The following ALK variants were observed in gnomAD, a reference collection of about 807,000 sequenced individuals.
The protein encoded by ALK is ALK tyrosine kinase receptor.
A neutral mutation model predicts 163.1 loss-of-function variants in ALK; 74 were observed. The ratio of observed to expected loss-of-function variants is 0.45; its 90% CI spans 0.38 to 0.55. The LOEUF (loss-of-function observed/expected upper bound fraction) is 0.55, where lower values mean the gene tolerates loss of function less well. Among genes scored for constraint, ALK ranks in the 20% least tolerant of loss-of-function variants. The pLI is 0.00. For synonymous variants in ALK, 960 were observed against 843.2 expected (o/e 1.14, Z -2.40); for missense variants, 2,063 against 2,105.3 (o/e 0.98, Z 0.39).
At chr2:29,882,609 A>C (rs1666893594) in intron 1 of ALK, among the ~76,000 whole-genome samples, 1 of 152,096 alleles carries the variant, frequency 6.6e-6, no homozygotes, top group Non-Finnish European at 1.5e-5. Flanking sequence ...CAGGAGAATC[A>C]CTTGAACCTG....
chr2:29,760,452 G>T (rs1680668850), intron 1 of ALK, among the ~76,000 whole-genome samples: 1 of 152,182 alleles, frequency 6.6e-6, no homozygotes, highest in Non-Finnish European at 1.5e-5. Flanking sequence ...TACTATACCA[G>T]ATACATAGTA....
At chr2:29,691,177 G>A (rs925608003) in intron 3 of ALK, among the ~76,000 whole-genome samples, 8 of 152,182 alleles carry the variant, frequency 5.3e-5, no homozygotes, top group African/African-American at 9.7e-5. Context: ...GATGAGAGAC[G>A]CACTCCTGAA....
At chr2:29,906,364 T>C (rs879431492) in intron 1 of ALK, among the ~76,000 whole-genome samples, 5 of 152,232 alleles carry the variant, frequency 3.3e-5, no homozygotes, top group African/African-American at 7.2e-5. Flanking sequence ...CAGCATCTAG[T>C]ACAGTGTCTA....
intron 1 of ALK, among the ~76,000 whole-genome samples, chr2:29,871,917 C>T (rs143532250): frequency 2.0e-5 from 3 of 152,330 alleles, no homozygotes; most frequent in East Asian, 1.9e-4. Flanking sequence ...AGAGACACCA[C>T]TCATATCTGA....
At chr2:29,304,381 AG>A (rs1251641720) in intron 8 of ALK, among the ~76,000 whole-genome samples, 1 of 151,906 alleles carries the variant, frequency 6.6e-6, no homozygotes, top group Non-Finnish European at 1.5e-5. Flanking sequence ...CTGTAGTCCC[AG>A]CTACTCAGGA....
At chr2:29,395,401 C>T (rs1669278308) in intron 4 of ALK, among the ~76,000 whole-genome samples, 1 of 152,186 alleles carries the variant, frequency 6.6e-6, no homozygotes, top group African/African-American at 2.4e-5. Context: ...AGCTCACAGA[C>T]TTGTATCTGC....
At chr2:29,469,131 T>C (rs1671286210) in intron 4 of ALK, among the ~76,000 whole-genome samples, 1 of 152,208 alleles carries the variant, frequency 6.6e-6, no homozygotes, top group Non-Finnish European at 1.5e-5. Context: ...AAGATCATAC[T>C]ATGAAGCTTT....
intron 2 of ALK, among the ~76,000 whole-genome samples, chr2:29,711,018 G>C (rs1272700012): frequency 6.6e-6 from 1 of 152,156 alleles, no homozygotes; most frequent in Admixed American, 6.5e-5. Context: ...TCTCTTCTCT[G>C]TTCCAGTCAA....
At chr2:29,527,129 C>T (rs1019042758) in intron 4 of ALK, among the ~76,000 whole-genome samples, 3 of 152,188 alleles carry the variant, frequency 2.0e-5, no homozygotes, top group Non-Finnish European at 4.4e-5. Context: ...TAAGAAGCTA[C>T]GGCTGGGCAA....
rs766699720 is a variant in ALK at position 29,232,292 on chromosome 2, G to GC, written c.2632+11dup. 3.3e-4 allele frequency: 532 copies of GC among 1,614,172 alleles called. No homozygotes were observed. The African/African-American group carries it at 6.9e-3, about 21-fold the overall frequency. On this transcript the variant is annotated intron_variant, in intron 15 of 28. Transcript: ENST00000389048. The stretch of plus-strand genomic sequence containing the variant: ...AGAGGTTCTGGGAGAGGGCACGCTT[G>GC]CAGCGCTTTACCTGCGGCTCCGGAA...
intron 12 of ALK, among the ~76,000 whole-genome samples, chr2:29,247,698 C>A (rs1028343413): frequency 1.3e-5 from 2 of 152,178 alleles, no homozygotes; most frequent in African/African-American, 4.8e-5. Flanking sequence ...GGTGGCCCCC[C>A]CTTGGCATGA....
chr2:29,421,004 G>T (rs1027069312), intron 4 of ALK, among the ~76,000 whole-genome samples: 1 of 151,514 alleles, frequency 6.6e-6, no homozygotes, highest in African/African-American at 2.5e-5. Flanking sequence ...AGGAGCTACT[G>T]GTGGCTCTTG....
intron 1 of ALK, among the ~76,000 whole-genome samples, chr2:29,808,624 A>C (rs1023565215): frequency 1.3e-5 from 2 of 152,192 alleles, no homozygotes; most frequent in Admixed American, 1.3e-4. Flanking sequence ...CCCGTGCTCC[A>C]AATCCCTGCT....
rs146281095 is a variant in ALK at position 29,717,642 on chromosome 2, A to C, written c.723T>G (p.Phe241Leu). 1.9e-6 allele frequency: 3 copies of C among 1,614,024 alleles called. No homozygotes were observed. The East Asian group carries it at 6.7e-5, about 36-fold the overall frequency. The change falls in exon 2 of 29, where the codon TTT (phenylalanine) becomes TTG (leucine). Residue 241 changes from phenylalanine (F) to leucine (L), a missense_variant. By Grantham distance (22) the Phe-to-Leu change is conservative. This residue lies in a region of ALK where 987 missense variants were observed against 939.5 expected (regional missense o/e 1.05). Transcript: ENST00000389048. The part of the protein sequence containing the change: ...TNMPSPSPDY[F>L]TWNLTWIMKD... ...TCATTATCCAGGTGAGATTCCATGT[A>C]AAATAATCAGGAGAAGGAGAAGGCA...
At chr2:29,229,173 CT>C in intron 15 of ALK, 107 bp from the exon 16 acceptor site, 1 of 974,078 alleles carries the variant, frequency 1.0e-6, no homozygotes, top group Non-Finnish European at 1.6e-6. Context: ...CCCGCACCAG[CT>C]CCAGCTCCCG....
chr2:29,436,503 C>A (rs540055611), intron 4 of ALK, among the ~76,000 whole-genome samples: 1 of 152,246 alleles, frequency 6.6e-6, no homozygotes, highest in South Asian at 2.1e-4. Context: ...TTTCATTAGC[C>A]CCTTTAAATT....
At chr2:29,569,214 G>A (rs553198113) in intron 3 of ALK, among the ~76,000 whole-genome samples, 9 of 152,116 alleles carry the variant, frequency 5.9e-5, no homozygotes, top group Non-Finnish European at 1.2e-4. Context: ...AAGGAATTTT[G>A]CAAGTTTCCT....
At chr2:29,647,447 C>A (rs1262035793) in intron 3 of ALK, among the ~76,000 whole-genome samples, 1 of 152,144 alleles carries the variant, frequency 6.6e-6, no homozygotes, top group East Asian at 1.9e-4. Context: ...GTCTTTCTCC[C>A]CTAATTCCCA....
intron 3 of ALK, among the ~76,000 whole-genome samples, chr2:29,670,475 G>T (rs1021516747): frequency 6.6e-6 from 1 of 151,948 alleles, no homozygotes; most frequent in Admixed American, 6.6e-5. Context: ...TTGAGAGTTT[G>T]GTTATTATAT....
Sources: gnomAD v4.1 joint callset for allele counts (sites outside exome capture counted in the v4.1 genomes callset) on GRCh38, gnomAD v4.1.1 for gene constraint, gnomAD v4.1.1 regional missense constraint, MANE v1.5 for transcripts, NCBI Gene and HGNC (gene_info 2026-07-23, HGNC 2026-07-21) for gene names.